The following MYO10 variants were observed in gnomAD, a reference collection of about 807,000 sequenced individuals.
The protein encoded by MYO10 is myosin X, also known as unconventional myosin-X.
MYO10 carries 133 observed loss-of-function variants against 257.3 expected under a neutral mutation model. That is an observed-to-expected ratio of 0.52 (90% CI 0.45 to 0.60). The LOEUF (loss-of-function observed/expected upper bound fraction) is 0.60, where lower values mean the gene tolerates loss of function less well. Among genes scored for constraint, MYO10 ranks in the 20% least tolerant of loss-of-function variants. The pLI is 0.00. For missense variants in MYO10, 2,399 were observed against 2,635.7 expected (o/e 0.91, Z 1.97); for synonymous variants, 1,104 against 1,028.6 (o/e 1.07, Z -1.40).
intron 19 of MYO10, among the ~76,000 whole-genome samples, chr5:16,738,765 C>T (rs1204780617): frequency 6.6e-6 from 1 of 151,850 alleles, no homozygotes; most frequent in East Asian, 1.9e-4. Context: ...GTGGTGCACG[C>T]CTGTAATCCC....
At position 16,671,461 on chromosome 5, in the gene MYO10, C is replaced by A. The variant is rs1189419585; in HGVS notation, c.5391G>T (p.Val1797=). The change falls in exon 38 of 41, where the codon GTG becomes GTT. Residue 1797 remains valine, a synonymous_variant. Transcript: ENST00000513610. ...ATGCAAACTCCACACTGTCTTTTGG[C>A]ACGTTGTCTGTGTCCAGGAAGCAGT... ...KLYCFLDTDN[V]PKDSVEFAFM... 1.2e-6 allele frequency: 2 copies of A among 1,613,882 alleles called. No individual in the cohort carries two copies. Among genetic ancestry groups the A allele is most frequent in the Non-Finnish European group, 1.7e-6 (2 of 1,179,900 alleles).
chr5:16,838,788 A>G (rs1423301223), intron 2 of MYO10, among the ~76,000 whole-genome samples: 1 of 152,188 alleles, frequency 6.6e-6, no homozygotes, highest in East Asian at 1.9e-4. Flanking sequence ...GAGGACTTTA[A>G]GTTGAAGCCA....
intron 2 of MYO10, among the ~76,000 whole-genome samples, chr5:16,869,628 G>A (rs888166652): frequency 3.3e-5 from 5 of 151,846 alleles, no homozygotes; most frequent in Non-Finnish European, 5.9e-5. Context: ...ACTTTGGGAA[G>A]CCAAGGCAGG....
intron 9 of MYO10, among the ~76,000 whole-genome samples, chr5:16,777,269 G>C (rs987395359): frequency 6.6e-6 from 1 of 152,164 alleles, no homozygotes; most frequent in Non-Finnish European, 1.5e-5. Flanking sequence ...GAGATGGAGC[G>C]AGAAACCGCT....
chr5:16,907,516 A>G (rs796606201), intron 1 of MYO10, among the ~76,000 whole-genome samples: 3 of 150,818 alleles, frequency 2.0e-5, no homozygotes, highest in African/African-American at 7.5e-5. Context: ...TGAAAAAAAG[A>G]AAAAAAAGGT....
chr5:16,671,114 T>C, intron 38 of MYO10, 136 bp from the exon 39 acceptor site: 1 of 857,442 alleles, frequency 1.2e-6, no homozygotes, highest in Admixed American at 2.9e-5. Context: ...AACTGTACCC[T>C]CACCCCTGGC....
At chr5:16,852,355 T>C (rs1440455294) in intron 2 of MYO10, among the ~76,000 whole-genome samples, 1 of 152,092 alleles carries the variant, frequency 6.6e-6, no homozygotes, top group African/African-American at 2.4e-5. Flanking sequence ...ATAGAAAAAG[T>C]TCTTCTCCCC....
At chr5:16,850,832 T>C (rs1743779769) in intron 2 of MYO10, among the ~76,000 whole-genome samples, 1 of 151,732 alleles carries the variant, frequency 6.6e-6, no homozygotes, top group African/African-American at 2.4e-5. Flanking sequence ...CATGGAGTCT[T>C]GCTCTGTCGT....
At chr5:16,690,773 G>T (rs115880147) in intron 27 of MYO10, among the ~76,000 whole-genome samples, 2,147 of 152,070 alleles carry the variant, frequency 0.014, 26 homozygotes, top group Non-Finnish European at 0.021. Flanking sequence ...GTGAGGCGCA[G>T]GATTTGGGGT....
At chr5:16,803,428 G>T (rs988880383) in intron 3 of MYO10, among the ~76,000 whole-genome samples, 1 of 146,392 alleles carries the variant, frequency 6.8e-6, no homozygotes, top group Non-Finnish European at 1.5e-5. Flanking sequence ...TATCTCAAAA[G>T]AAAAAAAAAA....
At chr5:16,793,652 G>A (rs1453783028) in intron 4 of MYO10, among the ~76,000 whole-genome samples, 1 of 152,140 alleles carries the variant, frequency 6.6e-6, no homozygotes, top group African/African-American at 2.4e-5. Context: ...AATACTCGCC[G>A]GGAGCGGTGG....
At chr5:16,849,842 C>A (rs1465419057) in intron 2 of MYO10, among the ~76,000 whole-genome samples, 7 of 152,178 alleles carry the variant, frequency 4.6e-5, no homozygotes, top group African/African-American at 1.7e-4. Context: ...GCTAAAATAT[C>A]CGCCAACCCA....
rs145319085 is a variant in MYO10, at chr5:16,739,891, G to A, written c.1929+14937C>T. ...CAGTAAGAATCGTCTTTATATTGAGGAGGGGTGAACGCAAACCCCAGCATC... is the reference window on the plus strand; with the variant it reads ...CAGTAAGAATCGTCTTTATATTGAGAAGGGGTGAACGCAAACCCCAGCATC... On this transcript the variant is annotated intron_variant, in intron 19 of 40. Transcript: ENST00000513610. 1.2e-3 allele frequency among the ~76,000 whole-genome samples: 188 copies of A among 152,278 alleles called. 2 individuals are homozygous for A. The East Asian group carries it at 0.025, about 20-fold the overall frequency.
Position 16,664,430 on chromosome 5 carries a change from C to T in MYO10, c.*2262G>A, listed in dbSNP as rs1736080631. ...CTAAAATAAAAACAAAGACAACACACATCCAAGTCTTTGCCGGCTTTCCTT... is the reference window on the plus strand; with the variant it reads ...CTAAAATAAAAACAAAGACAACACATATCCAAGTCTTTGCCGGCTTTCCTT... On this transcript the variant is annotated 3_prime_UTR_variant, in exon 41 of 41. Coordinates refer to ENST00000513610, the MANE Select transcript of MYO10 (RefSeq NM_012334.3). 6.6e-6 allele frequency: 1 copy of T among 152,214 alleles called. No homozygotes were observed. Among genetic ancestry groups the T allele is most frequent in the Admixed American group, 6.5e-5 (1 of 15,284 alleles). The allele number at this position is 152,214 out of a possible 1,614,324, so 9.4% of individuals were successfully genotyped here.
chr5:16,889,190 A>T (rs920389194), intron 1 of MYO10, among the ~76,000 whole-genome samples: 73 of 28,454 alleles, frequency 2.6e-3, no homozygotes, highest in Admixed American at 4.9e-3. Flanking sequence ...AAAAAAATTT[A>T]AAAAAAAAAA....
chr5:16,730,585 G>A (rs756101107), intron 19 of MYO10, among the ~76,000 whole-genome samples: 1 of 152,208 alleles, frequency 6.6e-6, no homozygotes, highest in South Asian at 2.1e-4. Context: ...GTCAACAGGG[G>A]CAGCATCAGC....
At chr5:16,785,783 T>G (rs567250546) in intron 4 of MYO10, among the ~76,000 whole-genome samples, 66 of 152,148 alleles carry the variant, frequency 4.3e-4, no homozygotes, top group African/African-American at 1.5e-3. Flanking sequence ...GGCAGAAGAA[T>G]CACTTGAACC....
intron 19 of MYO10, among the ~76,000 whole-genome samples, chr5:16,743,888 T>C (rs892824006): frequency 1.3e-5 from 2 of 152,148 alleles, no homozygotes; most frequent in African/African-American, 4.8e-5. Context: ...TGCTTTATTA[T>C]AACAAATGTA....
chr5:16,790,293 C>A lies in MYO10; in HGVS notation c.467+4353G>T, dbSNP rs139473707. ...GCAGCTGTTGAATGCTGGTCCTCTC[C>A]CAGACACTGTGCTGGGTACCAGGCT... On this transcript the variant is annotated intron_variant, in intron 4 of 40. Coordinates refer to ENST00000513610, the MANE Select transcript of MYO10 (RefSeq NM_012334.3). Among the ~76,000 whole-genome samples, 940 of 152,172 alleles carry A rather than the reference C, an allele frequency of 6.2e-3. 6 individuals carry two copies. Among genetic ancestry groups the A allele is most frequent in the African/African-American group, 0.021 (883 of 41,526 alleles).
Sources: gnomAD v4.1 joint callset for allele counts (sites outside exome capture counted in the v4.1 genomes callset) on GRCh38, gnomAD v4.1.1 for gene constraint, MANE v1.5 for transcripts, NCBI Gene and HGNC (gene_info 2026-07-23, HGNC 2026-07-21) for gene names.